The following SLCO3A1 variants were observed in gnomAD, a reference collection of about 807,000 sequenced individuals.
The protein encoded by SLCO3A1 is solute carrier organic anion transporter family member 3A1.
A neutral mutation model predicts 63.1 loss-of-function variants in SLCO3A1; 27 were observed. The observed-to-expected ratio is 0.43, with a 90% confidence interval of 0.32 to 0.59. The LOEUF (loss-of-function observed/expected upper bound fraction) is 0.59, where lower values mean the gene tolerates loss of function less well. SLCO3A1 is among the 20% of genes least tolerant of loss of function. The pLI is 0.09. For missense variants in SLCO3A1, 773 were observed against 945.8 expected (o/e 0.82, Z 2.40); for synonymous variants, 473 against 409.9 (o/e 1.15, Z -1.86).
chr15:91,916,193 G>A lies in SLCO3A1; in HGVS notation c.381G>A (p.Glu127=). 1 of 1,594,944 alleles carries A rather than the reference G, an allele frequency of 6.3e-7. No individual in the cohort carries two copies. The highest frequency in any genetic ancestry group is 1.1e-5 in the South Asian group (1 of 90,060). ...GCGCGCTGCTGTCGGCGCTGCCCGA[G>A]TTCCTGACCCACCAGTACAAGTACG... ...ALGALLSALP[E]FLTHQYKYEA... is the part of the protein sequence containing the mutation. The change falls in exon 2 of 10, where the codon GAG becomes GAA. Residue 127 remains glutamate (E), a synonymous_variant. Transcript: ENST00000318445. The surrounding 1 kb of genome is among the most constrained non-coding windows in gnomAD (Gnocchi z 6.2).
rs573447314 is a variant in SLCO3A1, at chr15:91,941,004, G to A, written c.646+24546G>A. ...TGCCACCCTGCCGTTTTAGGAGGGT[G>A]ATTTATTGAAGTGAAGGTAGAGGGA... On this transcript the variant is annotated intron_variant, in intron 2 of 9. Transcript: ENST00000318445. The surrounding 1 kb of genome is among the most constrained non-coding windows in gnomAD (Gnocchi z 4.4). Among the ~76,000 whole-genome samples, 4 of 152,138 alleles carry A rather than the reference G, an allele frequency of 2.6e-5. No homozygotes were observed. Among genetic ancestry groups the A allele is most frequent in the Non-Finnish European group, 5.9e-5 (4 of 68,034 alleles).
chr15:92,115,135 A>G (rs2151555874), intron 4 of SLCO3A1, among the ~76,000 whole-genome samples: 1 of 152,290 alleles, frequency 6.6e-6, no homozygotes, highest in Middle Eastern at 3.4e-3. Flanking sequence ...TCCAGCAGGT[A>G]CACTGAGCCC....
In SLCO3A1 at chr15:91,942,573, G is replaced by A. The variant is rs539815880; in HGVS notation, c.646+26115G>A. 2.7e-5 allele frequency among the ~76,000 whole-genome samples: 4 copies of A among 150,724 alleles called. No individual in the cohort carries two copies. Among genetic ancestry groups the A allele is most frequent in the Admixed American group, 1.3e-4 (2 of 15,226 alleles). ...TTTGCAACAGAACTCTGCTGGAAAT[G>A]TATGTTTGTTTGTTTGTTTGTTTGT... On this transcript the variant is annotated intron_variant, in intron 2 of 9. Transcript: ENST00000318445. This position sits in a 1 kb window ranked among gnomAD's most constrained non-coding sequence, Gnocchi z 4.1.
chr15:91,881,789 C>T (rs13379800), intron 1 of SLCO3A1, among the ~76,000 whole-genome samples: 127,936 of 152,108 alleles, frequency 0.84, 54,411 homozygotes, highest in East Asian at 0.99. Flanking sequence ...CACATACTCC[C>T]CTGGCCCAGA....
Position 92,163,054 on chromosome 15 carries a change from C to G in SLCO3A1, c.2052C>G (p.Pro684=). 6.3e-7 allele frequency: 1 copy of G among 1,577,072 alleles called. No individual in the cohort carries two copies. Among genetic ancestry groups the G allele is most frequent in the Non-Finnish European group, 8.6e-7 (1 of 1,162,496 alleles). ...ACAACCTGGGGAGGGACCCTGTGCC[C>G]GCAAACCAGACACATAGGACAAAGT... The part of the protein sequence containing the change: ...TLDNLGRDPV[P]ANQTHRTKFI... The change falls in exon 10 of 10, where the codon CCC becomes CCG. Residue 684 remains proline, a synonymous_variant. Transcript: ENST00000318445.
At chr15:92,023,929 C>G (rs1181181387) in intron 2 of SLCO3A1, among the ~76,000 whole-genome samples, 2 of 152,124 alleles carry the variant, frequency 1.3e-5, no homozygotes, top group African/African-American at 2.4e-5. Flanking sequence ...TTTTTTCCAG[C>G]TCATAGTGGT....
intron 2 of SLCO3A1, among the ~76,000 whole-genome samples, chr15:91,934,020 G>A (rs1899321706): frequency 6.6e-6 from 1 of 152,106 alleles, no homozygotes. Flanking sequence ...TCTGGGCTTT[G>A]ATTTTTACCT....
In SLCO3A1 at chr15:91,875,971, A is replaced by G. The variant is rs959772369; in HGVS notation, c.180+21883A>G. Among the ~76,000 whole-genome samples, 8 of 152,192 alleles carry G rather than the reference A, an allele frequency of 5.3e-5. No homozygotes were observed. Among genetic ancestry groups the G allele is most frequent in the African/African-American group, 1.9e-4 (8 of 41,452 alleles). On this transcript the variant is annotated intron_variant, in intron 1 of 9. Coordinates refer to ENST00000318445, the MANE Select transcript of SLCO3A1 (RefSeq NM_013272.4). The surrounding 1 kb of genome is among the most constrained non-coding windows in gnomAD (Gnocchi z 4.5). ...TGCTACCCCTGCTCTAGAATCTTAA[A>G]GAATTCTTAGAGTTGTGGTCTCAGA...
At chr15:91,891,025 C>T (rs1169078774) in intron 1 of SLCO3A1, among the ~76,000 whole-genome samples, 1 of 151,594 alleles carries the variant, frequency 6.6e-6, no homozygotes, top group African/African-American at 2.4e-5. Flanking sequence ...CATGCAATTA[C>T]AGAGAGAAAC....
intron 2 of SLCO3A1, among the ~76,000 whole-genome samples, chr15:92,070,276 A>G (rs1439600204): frequency 4.6e-5 from 7 of 152,234 alleles, no homozygotes; most frequent in African/African-American, 1.7e-4. Flanking sequence ...GCCTTGTACA[A>G]TTATTGCTAA....
intron 1 of SLCO3A1, among the ~76,000 whole-genome samples, chr15:91,876,136 C>A (rs989320815): frequency 7.9e-5 from 12 of 152,302 alleles, no homozygotes; most frequent in East Asian, 1.9e-4. Flanking sequence ...GAAACCCCTT[C>A]TCTATTTCTA....
At chr15:92,084,666 A>T (rs1353490172) in intron 2 of SLCO3A1, among the ~76,000 whole-genome samples, 2 of 152,194 alleles carry the variant, frequency 1.3e-5, no homozygotes, top group Non-Finnish European at 2.9e-5. Flanking sequence ...TCTCAGGGGC[A>T]TAAAGAGTTT....
chr15:91,929,624 ATTG>A (rs754062867), intron 2 of SLCO3A1, among the ~76,000 whole-genome samples: 1 of 152,314 alleles, frequency 6.6e-6, no homozygotes, highest in East Asian at 1.9e-4. Context: ...GCACATTCAC[ATTG>A]TTGTGCAACA....
chr15:92,003,502 A>G (rs1033609455), intron 2 of SLCO3A1, among the ~76,000 whole-genome samples: 8 of 152,122 alleles, frequency 5.3e-5, no homozygotes, highest in African/African-American at 1.7e-4. Flanking sequence ...CCCCCTTCCC[A>G]TCAGAGGATG....
intron 2 of SLCO3A1, among the ~76,000 whole-genome samples, chr15:91,925,067 G>A (rs574382237): frequency 1.3e-5 from 2 of 152,162 alleles, no homozygotes; most frequent in East Asian, 1.9e-4. Flanking sequence ...TCTTTACTCC[G>A]GCTTCCTTAC....
chr15:92,063,710 C>G (rs1007728921), intron 2 of SLCO3A1, among the ~76,000 whole-genome samples: 1 of 152,076 alleles, frequency 6.6e-6, no homozygotes, highest in African/African-American at 2.4e-5. Context: ...ATTAGCCAGG[C>G]ATGGTGGCGC....
intron 1 of SLCO3A1, among the ~76,000 whole-genome samples, chr15:91,857,235 T>C (rs1024462183): frequency 1.3e-5 from 2 of 152,086 alleles, no homozygotes; most frequent in African/African-American, 4.8e-5. Context: ...AACTTTTGCC[T>C]TGGTGTCAGG....
At position 91,941,688 on chromosome 15, in the gene SLCO3A1, A is replaced by T; in HGVS notation, c.646+25230A>T. ...TTTGTTTCTCTTTGTCTTTAAAAAA[A>T]TTATTTTTCCTCCTTTTTAATTTTT... On this transcript the variant is annotated intron_variant, in intron 2 of 9. Coordinates refer to ENST00000318445, the MANE Select transcript of SLCO3A1 (RefSeq NM_013272.4). The surrounding 1 kb of genome is among the most constrained non-coding windows in gnomAD (Gnocchi z 4.4). 2.6e-6 allele frequency: 1 copy of T among 382,708 alleles called. No homozygotes were observed. Among genetic ancestry groups the T allele is most frequent in the Non-Finnish European group, 5.1e-6 (1 of 195,576 alleles). The allele number at this position is 382,708 out of a possible 1,614,324, so 23.7% of individuals were successfully genotyped here. A position where few individuals can be genotyped will look rare whatever the true frequency, so the allele number is the denominator to read the frequency against.
intron 2 of SLCO3A1, among the ~76,000 whole-genome samples, chr15:91,991,223 TAGGC>T (rs1430564710): frequency 6.6e-6 from 1 of 151,878 alleles, no homozygotes; most frequent in Non-Finnish European, 1.5e-5. Flanking sequence ...ATCAAAAAAT[TAGGC>T]AGGGTGGTGT....
Sources: gnomAD v4.1 joint callset for allele counts (sites outside exome capture counted in the v4.1 genomes callset) on GRCh38, gnomAD v4.1.1 for gene constraint, Gnocchi (gnomAD v3.1) non-coding constraint, MANE v1.5 for transcripts, NCBI Gene and HGNC (gene_info 2026-07-23, HGNC 2026-07-21) for gene names.